Variants in LRRC72 observed in about 807,000 individuals in gnomAD.
LRRC72 encodes leucine rich repeat containing 72.
LRRC72 carries 41 observed loss-of-function variants against 35.8 expected under a neutral mutation model. The ratio of observed to expected loss-of-function variants is 1.15; its 90% CI spans 0.89 to 1.49. The LOEUF is 1.49. LRRC72 is among the 40% of genes most tolerant of loss of function. The probability of loss-of-function intolerance (pLI) is 0.00; values close to 1 mark genes in which losing one functional copy is unlikely to be tolerated. For synonymous variants in LRRC72, 118 were observed against 119.2 expected, an observed-to-expected ratio of 0.99 and a Z score of 0.07; for missense variants, 389 against 330.7, an observed-to-expected ratio of 1.18 and a Z score of -1.37.
chr7:16,555,580 G>A (rs1275873388), intron 3 of LRRC72, among the ~76,000 whole-genome samples: 3 of 152,042 alleles, frequency 2.0e-5, no homozygotes, highest in South Asian at 2.1e-4. Context: ...CAAGACCAGC[G>A]TGGCCAACAT....
intron 3 of LRRC72, among the ~76,000 whole-genome samples, chr7:16,551,548 A>C (rs184924502): frequency 1.6e-3 from 243 of 152,268 alleles, no homozygotes; most frequent in African/African-American, 4.3e-3. Flanking sequence ...CTGAAGGTTA[A>C]ATTGATCACC....
At chr7:16,575,720 C>T (rs117750140) in intron 7 of LRRC72, among the ~76,000 whole-genome samples, 107 of 152,266 alleles carry the variant, frequency 7.0e-4, no homozygotes, top group Non-Finnish European at 1.3e-3. Context: ...CCTTTTACTT[C>T]ATGTGAGAGG....
chr7:16,539,777 A>G (rs1440902604), intron 3 of LRRC72, among the ~76,000 whole-genome samples: 1 of 152,256 alleles, frequency 6.6e-6, no homozygotes, highest in African/African-American at 2.4e-5. Context: ...TGCAAACCCC[A>G]AGCCTTGGCA....
intron 2 of LRRC72, chr7:16,536,787 A>G (rs1477514455): frequency 6.6e-6 from 1 of 152,212 alleles, no homozygotes; most frequent in Admixed American, 6.5e-5. Flanking sequence ...AAATGAATTA[A>G]TATCTGTAAT....
chr7:16,540,082 C>T (rs1317805586), intron 3 of LRRC72, among the ~76,000 whole-genome samples: 1 of 152,124 alleles, frequency 6.6e-6, no homozygotes, highest in South Asian at 2.1e-4. Flanking sequence ...GCACCATGTG[C>T]CTAGAAAAGC....
In LRRC72 at chr7:16,567,433, A is replaced by G. The variant is rs796651862; in HGVS notation, c.560A>G (p.Asn187Ser). The G allele has an allele frequency of 4.5e-5, 68 of 1,517,990 alleles. No individual in the cohort carries two copies. In the Admixed American group the frequency reaches 1.0e-3, roughly 23 times the overall value. The allele number at this position is 1,517,990 out of a possible 1,614,324, so 94.0% of individuals were successfully genotyped here. ...AGAAGATCAATGATTACCATTTTTA[A>G]CCATAAAAAGGCTCATATCGTTCAA... Reference protein sequence around the residue: ...KERRSMITIFNHKKAHIVQSI... With the variant: ...KERRSMITIFSHKKAHIVQSI... Residue 187 changes from asparagine (N) to serine (S), a missense_variant, in exon 7 of 9, where the codon AAC becomes AGC. Physicochemically the swap from Asn to Ser is conservative, Grantham distance 46. Coordinates refer to ENST00000401542, the MANE Select transcript of LRRC72 (RefSeq NM_001195280.2).
intron 5 of LRRC72, among the ~76,000 whole-genome samples, chr7:16,562,735 C>A (rs889559000): frequency 1.4e-4 from 21 of 152,190 alleles, no homozygotes; most frequent in African/African-American, 5.1e-4. Context: ...TTCCTTTGAG[C>A]CTCTTTTCCT....
chr7:16,558,202 T>C (rs1782683738), intron 4 of LRRC72, among the ~76,000 whole-genome samples: 1 of 152,156 alleles, frequency 6.6e-6, no homozygotes, highest in Non-Finnish European at 1.5e-5. Flanking sequence ...ACTAGCATTA[T>C]AAATCTAAGT....
rs377452648 is a variant in LRRC72, at chr7:16,542,437, AG to A, written c.234+4743del. On this transcript the variant is annotated intron_variant, in intron 3 of 8. Coordinates refer to ENST00000401542, the MANE Select transcript of LRRC72 (RefSeq NM_001195280.2). Reference sequence around the variant, plus strand: ...TCAATTTAGAAAGTTTATTTTGCCAAGGTTAAGGACATGTGCCCGTGACAAA... The same window carrying A: ...TCAATTTAGAAAGTTTATTTTGCCAAGTTAAGGACATGTGCCCGTGACAAA... Among the ~76,000 whole-genome samples, 383 of 152,318 alleles carry A rather than the reference AG, an allele frequency of 2.5e-3. 1 individual carries two copies. Among genetic ancestry groups the A allele is most frequent in the African/African-American group, 8.8e-3 (366 of 41,572 alleles).
intron 7 of LRRC72, among the ~76,000 whole-genome samples, chr7:16,574,351 T>A (rs1367935389): frequency 6.6e-6 from 1 of 152,196 alleles, no homozygotes; most frequent in Non-Finnish European, 1.5e-5. Context: ...CATGCACACA[T>A]ATGTTTATTG....
intron 5 of LRRC72, among the ~76,000 whole-genome samples, chr7:16,564,809 T>C (rs75006348): frequency 6.3e-5 from 5 of 79,534 alleles, no homozygotes; most frequent in African/African-American, 1.8e-4. Context: ...AGATGATTGA[T>C]TTTTTTTTTT....
chr7:16,574,853 C>T (rs527999078), intron 7 of LRRC72, among the ~76,000 whole-genome samples: 29 of 151,990 alleles, frequency 1.9e-4, no homozygotes, highest in African/African-American at 6.5e-4. Context: ...TGGTGGCTCA[C>T]GCTTGTAATC....
intron 7 of LRRC72, among the ~76,000 whole-genome samples, chr7:16,579,486 G>C (rs950579559): frequency 6.6e-6 from 1 of 152,102 alleles, no homozygotes; most frequent in African/African-American, 2.4e-5. Context: ...AGGCTTTCCG[G>C]AGGGAAATCA....
chr7:16,573,318 G>A (rs2128338989), intron 7 of LRRC72, among the ~76,000 whole-genome samples: 1 of 152,158 alleles, frequency 6.6e-6, no homozygotes, highest in African/African-American at 2.4e-5. Context: ...AATTTCATAT[G>A]GAACCAAAAA....
chr7:16,542,395 T>G (rs960482413), intron 3 of LRRC72, among the ~76,000 whole-genome samples: 1 of 152,236 alleles, frequency 6.6e-6, no homozygotes, highest in African/African-American at 2.4e-5. Flanking sequence ...ACCCCAAATA[T>G]CTGAGACAGG....
At chr7:16,552,896 G>T (rs1487980236) in intron 3 of LRRC72, among the ~76,000 whole-genome samples, 1 of 152,098 alleles carries the variant, frequency 6.6e-6, no homozygotes, top group Non-Finnish European at 1.5e-5. Flanking sequence ...AGCCTACCCA[G>T]TTCTACCATG....
intron 3 of LRRC72, among the ~76,000 whole-genome samples, chr7:16,540,737 A>G (rs774080650): frequency 3.9e-5 from 6 of 152,054 alleles, no homozygotes; most frequent in Non-Finnish European, 5.9e-5. Flanking sequence ...TAAAAGTGGC[A>G]CTTCCTCTTT....
chr7:16,560,434 T>A (rs1782726225), intron 5 of LRRC72, among the ~76,000 whole-genome samples: 1 of 152,194 alleles, frequency 6.6e-6, no homozygotes, highest in African/African-American at 2.4e-5. Flanking sequence ...TTACACCAAG[T>A]TCATGGCAAT....
At chr7:16,543,087 T>C (rs951871603) in intron 3 of LRRC72, among the ~76,000 whole-genome samples, 2 of 152,208 alleles carry the variant, frequency 1.3e-5, no homozygotes, top group African/African-American at 4.8e-5. Context: ...AAAATTAAAG[T>C]CTTATTCAGA....
Sources: allele counts gnomAD v4.1 joint callset (sites outside exome capture counted in the v4.1 genomes callset), GRCh38; gene constraint gnomAD v4.1.1; transcripts MANE v1.5; gene names NCBI Gene and HGNC (gene_info 2026-07-23, HGNC 2026-07-21).